The following WFS1 variants were observed in gnomAD, a reference collection of about 807,000 sequenced individuals.
WFS1 encodes wolframin.
Under a neutral mutation model 68.5 loss-of-function variants are expected in WFS1, and 90 were observed. The ratio of observed to expected loss-of-function variants is 1.31; its 90% CI spans 1.11 to 1.56. The LOEUF is 1.56. Among genes scored for constraint, WFS1 ranks in the 40% most tolerant of loss-of-function variants. The probability of loss-of-function intolerance (pLI) is 0.00; values close to 1 mark genes in which losing one functional copy is unlikely to be tolerated. For synonymous variants in WFS1, 860 were observed against 540.7 expected (o/e 1.59, Z -8.19); for missense variants, 1,767 against 1,232.6 (o/e 1.43, Z -6.49).
rs143886476 is a variant in WFS1 at position 6,300,833 on chromosome 4, G to A, written c.1038G>A (p.Pro346=). The stretch of plus-strand genomic sequence containing the variant: ...TCGACTTCTTCGCCTTCTTCATCCC[G>A]CTGGTCATCTTCTACCTGTCCTTCA... ...LTIDFFAFFI[P]LVIFYLSFIS... The change falls in exon 8 of 8, where the codon CCG becomes CCA. Residue 346 remains proline, a synonymous_variant. Coordinates refer to ENST00000226760, the MANE Select transcript of WFS1 (RefSeq NM_006005.3). 1.5e-5 allele frequency: 24 copies of A among 1,613,956 alleles called. No individual in the cohort carries two copies. In the African/African-American group the frequency reaches 1.9e-4, roughly 13 times the overall value.
At chr4:6,270,286 C>G (rs1400036243) in intron 1 of WFS1, among the ~76,000 whole-genome samples, 1 of 151,552 alleles carries the variant, frequency 6.6e-6, no homozygotes, top group Non-Finnish European at 1.5e-5. Flanking sequence ...TGGAGCCCCG[C>G]CGCGGGCGGG....
chr4:6,273,562 C>T (rs534231958), intron 1 of WFS1, among the ~76,000 whole-genome samples: 1 of 95,180 alleles, frequency 1.1e-5, no homozygotes, highest in South Asian at 3.8e-4. Flanking sequence ...GCCAGGCTGC[C>T]TCAGGCTTCT....
chr4:6,302,621 A>AC lies in WFS1; in HGVS notation c.*157dup. 9.4e-7 allele frequency: 1 copy of AC among 1,069,004 alleles called. No homozygotes were observed. The highest frequency in any genetic ancestry group is 1.3e-6 in the Non-Finnish European group (1 of 749,806). 66.2% of individuals were successfully genotyped at this position (1,069,004 alleles called of 1,614,324 possible). Reference sequence around the variant, plus strand: ...TTGCGACCATGTGTAGATTGCGTGGACCCCGACAAAGGGAAGGCTGCTGTG... The same window carrying AC: ...TTGCGACCATGTGTAGATTGCGTGGACCCCCGACAAAGGGAAGGCTGCTGTG... On this transcript the variant is annotated 3_prime_UTR_variant, in exon 8 of 8. Coordinates refer to ENST00000226760, the MANE Select transcript of WFS1 (RefSeq NM_006005.3).
intron 2 of WFS1, among the ~76,000 whole-genome samples, chr4:6,281,318 T>G (rs1222414827): frequency 6.6e-6 from 1 of 151,882 alleles, no homozygotes; most frequent in Non-Finnish European, 1.5e-5. Context: ...GGGAGCCCAG[T>G]GGGGGGCACC....
chr4:6,291,719 T>C lies in WFS1; in HGVS notation c.632-198T>C, dbSNP rs13101355. Among the ~76,000 whole-genome samples the C allele has an allele frequency of 0.64, 97,360 of 152,100 alleles. 31,768 individuals carry two copies. Among genetic ancestry groups the C allele is most frequent in the East Asian group, 0.93 (4,828 of 5,164 alleles). ...CACCAAGTGGGAGCACGCTACGTGG[T>C]GCTGAGTCCACCCCAGCTACTGGAG... is the stretch of plus-strand genomic sequence containing the variant. On this transcript the variant is annotated intron_variant, in intron 5 of 7. Transcript: ENST00000226760.
chr4:6,295,090 C>T lies in WFS1; in HGVS notation c.762C>T (p.Tyr254=), dbSNP rs140266808. Residue 254 remains tyrosine (Y), a synonymous_variant, in exon 7 of 8, where the codon TAC becomes TAT. Coordinates refer to ENST00000226760, the MANE Select transcript of WFS1 (RefSeq NM_006005.3). ...LDDFVEITKK[Y]AKGVIPSSLF... is the part of the protein sequence containing the mutation. ...ACTTTGTGGAGATCACTAAGAAGTACGCCAAGGGCGTCATCCCCAGCAGCC... is the reference window on the plus strand; with the variant it reads ...ACTTTGTGGAGATCACTAAGAAGTATGCCAAGGGCGTCATCCCCAGCAGCC... The T allele has an allele frequency of 1.2e-4, 198 of 1,613,576 alleles. 1 individual carries two copies. Among genetic ancestry groups the T allele is most frequent in the South Asian group, 1.2e-3 (106 of 91,080 alleles).
intron 2 of WFS1, among the ~76,000 whole-genome samples, chr4:6,284,216 A>C (rs940603708): frequency 6.6e-6 from 1 of 152,044 alleles, no homozygotes; most frequent in African/African-American, 2.4e-5. Flanking sequence ...CTAAAAATAC[A>C]AAAAAACTTA....
At position 6,271,825 on chromosome 4, in the gene WFS1, A is replaced by G. The variant is rs1729852297; in HGVS notation, c.-6+1811A>G. The stretch of plus-strand genomic sequence containing the variant: ...CCACTTCCCTCTGGGCTATCGGGTC[A>G]GGTCCGCCTCCCGAGCCAGGAGCCG... On this transcript the variant is annotated intron_variant, in intron 1 of 7. Transcript: ENST00000226760. Among the ~76,000 whole-genome samples the G allele has an allele frequency of 2.6e-5, 4 of 152,262 alleles. No homozygotes were observed. In the South Asian group the frequency reaches 8.3e-4, roughly 32 times the overall value.
intron 1 of WFS1, among the ~76,000 whole-genome samples, chr4:6,274,555 G>C (rs1729936026): frequency 1.3e-5 from 2 of 152,288 alleles, no homozygotes; most frequent in Middle Eastern, 3.4e-3. Flanking sequence ...GGCTCTGATG[G>C]AGAGGTGATC....
In WFS1 at chr4:6,302,161, G is replaced by T. The variant is rs773050651; in HGVS notation, c.2366G>T (p.Gly789Val). ...ATGCCATTCAGCAGCGGCGCTGACGGCTCGCGCAGCCGCGAGGAGGACGAC... is the reference window on the plus strand; with the variant it reads ...ATGCCATTCAGCAGCGGCGCTGACGTCTCGCGCAGCCGCGAGGAGGACGAC... ...VGMPFSSGAD[G>V]SRSREEDDVT... The change falls in exon 8 of 8, where the codon GGC becomes GTC. Residue 789 changes from glycine to valine, a missense_variant. Transcript: ENST00000226760. 1.9e-6 allele frequency: 3 copies of T among 1,612,810 alleles called. No individual in the cohort carries two copies. The South Asian group carries it at 3.3e-5, about 18-fold the overall frequency.
At chr4:6,294,443 G>A (rs2109119081) in intron 6 of WFS1, among the ~76,000 whole-genome samples, 1 of 150,318 alleles carries the variant, frequency 6.7e-6, no homozygotes, top group South Asian at 2.2e-4. Context: ...CAGGCATGTA[G>A]TAGGCCCATG....
rs1394139239 is a variant in WFS1 at position 6,302,892 on chromosome 4, TTTC to T, written c.*427_*429del. 3 of 238,036 alleles carry T rather than the reference TTTC, an allele frequency of 1.3e-5. No individual in the cohort carries two copies. The highest frequency in any genetic ancestry group is 1.1e-4 in the East Asian group (1 of 8,940). The allele number at this position is 238,036 out of a possible 1,614,324, so 14.7% of individuals were successfully genotyped here. A position where few individuals can be genotyped will look rare whatever the true frequency, so the allele number is the denominator to read the frequency against. ...CATCTGTGTAACCTCCACAGTAGCA[TTTC>T]TTATTTGTTTGGTCACTGCTACACC... On this transcript the variant is annotated 3_prime_UTR_variant, in exon 8 of 8. Coordinates refer to ENST00000226760, the MANE Select transcript of WFS1 (RefSeq NM_006005.3).
At chr4:6,284,490 A>G (rs1451112609) in intron 2 of WFS1, among the ~76,000 whole-genome samples, 1 of 152,170 alleles carries the variant, frequency 6.6e-6, no homozygotes, top group African/African-American at 2.4e-5. Context: ...ATCTTTTTAG[A>G]CCACCATATA....
chr4:6,270,080 G>T (rs1327286198), intron 1 of WFS1, 66 bp downstream of exon 1: 1 of 128,786 alleles, frequency 7.8e-6, no homozygotes, highest in African/African-American at 3.4e-5. Flanking sequence ...GCGGGCAAGA[G>T]CCCTGAGGCA....
At chr4:6,272,431 T>G (rs1172379696) in intron 1 of WFS1, among the ~76,000 whole-genome samples, 2 of 152,190 alleles carry the variant, frequency 1.3e-5, no homozygotes, top group Non-Finnish European at 2.9e-5. Context: ...GAATGTTCCT[T>G]GGTTTGTCCC....
Position 6,302,231 on chromosome 4 carries a change from C to G in WFS1, c.2436C>G (p.Ser812Arg). ...TGCGGGCCAGCAGCGAGTTCAAGAGCGTGCTGCTCAGCCTGCGCCAGGGCA... is the reference window on the plus strand; with the variant it reads ...TGCGGGCCAGCAGCGAGTTCAAGAGGGTGCTGCTCAGCCTGCGCCAGGGCA... ...IVLRASSEFKSVLLSLRQGSL... is the reference protein window; with the variant it reads ...IVLRASSEFKRVLLSLRQGSL... The change falls in exon 8 of 8, where the codon AGC becomes AGG. Residue 812 changes from serine to arginine, a missense_variant. Ser to Arg is a moderately radical substitution (Grantham distance 110). Coordinates refer to ENST00000226760, the MANE Select transcript of WFS1 (RefSeq NM_006005.3). The G allele has an allele frequency of 1.9e-6, 3 of 1,607,574 alleles. No homozygotes were observed. The highest frequency in any genetic ancestry group is 2.6e-6 in the Non-Finnish European group (3 of 1,176,348).
chr4:6,287,320 C>A lies in WFS1; in HGVS notation c.315+145C>A. ...GTGGTGCACCCTACCCCACTTGAGC[C>A]CCATGTTGGTAGGGTGCCCATGTTC... On this transcript the variant is annotated intron_variant, in intron 3 of 7. Transcript: ENST00000226760. This position sits in a 1 kb window ranked among gnomAD's most constrained non-coding sequence, Gnocchi z 6.4. 1.4e-6 allele frequency: 1 copy of A among 735,108 alleles called. No individual in the cohort carries two copies. Among genetic ancestry groups the A allele is most frequent in the Non-Finnish European group, 2.4e-6 (1 of 420,264 alleles). The allele number at this position is 735,108 out of a possible 1,614,324, so 45.5% of individuals were successfully genotyped here.
rs757718518 is a variant in WFS1, at chr4:6,302,178, G to A, written c.2383G>A (p.Glu795Lys). The change falls in exon 8 of 8, where the codon GAG becomes AAG. Residue 795 changes from glutamate (E) to lysine (K), a missense_variant. Physicochemically the swap from Glu to Lys is moderately conservative, Grantham distance 56 (BLOSUM62 1). Transcript: ENST00000226760. ...SGADGSRSRE[E>K]DDVTKDIVLR... is the part of the protein sequence containing the mutation. ...CGCTGACGGCTCGCGCAGCCGCGAG[G>A]AGGACGACGTCACCAAGGACATCGT... The A allele has an allele frequency of 5.0e-6, 8 of 1,612,470 alleles. No individual in the cohort carries two copies. The highest frequency in any genetic ancestry group is 4.0e-5 in the African/African-American group (3 of 74,948).
intron 1 of WFS1, 56 bp from the exon 2 acceptor site, chr4:6,277,395 G>A: frequency 6.7e-7 from 1 of 1,499,398 alleles, no homozygotes; most frequent in Non-Finnish European, 9.1e-7. Flanking sequence ...CAGACACTAA[G>A]TGCCAGAGCG....
Sources: gnomAD v4.1 joint callset for allele counts (sites outside exome capture counted in the v4.1 genomes callset) on GRCh38, gnomAD v4.1.1 for gene constraint, Gnocchi (gnomAD v3.1) non-coding constraint, MANE v1.5 for transcripts, NCBI Gene and HGNC (gene_info 2026-07-23, HGNC 2026-07-21) for gene names.